Variants in ROBO1 observed in about 807,000 individuals in gnomAD.
ROBO1 encodes the protein roundabout guidance receptor 1.
Under a neutral mutation model 195.9 loss-of-function variants are expected in ROBO1, and 149 were observed. The ratio of observed to expected loss-of-function variants is 0.76; its 90% CI spans 0.67 to 0.87. ROBO1 has a LOEUF of 0.87. Ranked by LOEUF, ROBO1 falls within the 40% of genes least tolerant of loss-of-function variation. The probability of loss-of-function intolerance (pLI) is 0.00; values close to 1 mark genes in which losing one functional copy is unlikely to be tolerated. For synonymous variants in ROBO1, 816 were observed against 733.2 expected, an observed-to-expected ratio of 1.11 and a Z score of -1.82; for missense variants, 1,933 against 2,068.3, an observed-to-expected ratio of 0.93 and a Z score of 1.27.
At position 78,741,148 on chromosome 3, in the gene ROBO1, T is replaced by C. The variant is rs535646518; in HGVS notation, c.657+5595A>G. Among the ~76,000 whole-genome samples, 13 of 152,282 alleles carry C rather than the reference T, an allele frequency of 8.5e-5. No homozygotes were observed. In the South Asian group the frequency reaches 2.7e-3, roughly 32 times the overall value. ...TCATAAGCACATTTGTTTTTATGCT[T>C]GTAATAGTCAATTAAATAAATTTTA... On this transcript the variant is annotated intron_variant, in intron 5 of 30. Coordinates refer to ENST00000464233, the MANE Select transcript of ROBO1 (RefSeq NM_002941.4).
chr3:79,744,531 A>C lies in ROBO1; in HGVS notation c.-51+23221T>G, dbSNP rs1576310549. Among the ~76,000 whole-genome samples, 3 of 152,284 alleles carry C rather than the reference A, an allele frequency of 2.0e-5. No homozygotes were observed. In the East Asian group the frequency reaches 5.8e-4, roughly 29 times the overall value. ...TAGCGACTTCATAAGAACAGGCCAG[A>C]GATCTAGCTCTCTTTCTACATGATG... On this transcript the variant is annotated intron_variant, in intron 1 of 30. Transcript: ENST00000464233.
intron 27 of ROBO1, among the ~76,000 whole-genome samples, chr3:78,616,089 A>C (rs1337917352): frequency 6.6e-6 from 1 of 152,198 alleles, no homozygotes; most frequent in African/African-American, 2.4e-5. Flanking sequence ...CCCATTATTC[A>C]TTCTACTGTG....
At chr3:79,146,594 A>C (rs1435430046) in intron 2 of ROBO1, among the ~76,000 whole-genome samples, 2 of 151,914 alleles carry the variant, frequency 1.3e-5, no homozygotes, top group East Asian at 1.9e-4. Context: ...GACTTATGTG[A>C]AGTATGCAGA....
chr3:78,934,794 G>GACAC (rs200128007), intron 4 of ROBO1, among the ~76,000 whole-genome samples: 5 of 151,198 alleles, frequency 3.3e-5, no homozygotes, highest in Admixed American at 2.6e-4. Flanking sequence ...TACACACATA[G>GACAC]ACACACACAC....
chr3:79,407,770 T>C (rs928636129), intron 2 of ROBO1, among the ~76,000 whole-genome samples: 3 of 152,126 alleles, frequency 2.0e-5, no homozygotes, highest in Non-Finnish European at 4.4e-5. Flanking sequence ...TCTGATTTAT[T>C]GTTAAATTAT....
chr3:79,690,385 A>G (rs898586254), intron 1 of ROBO1, among the ~76,000 whole-genome samples: 5 of 151,948 alleles, frequency 3.3e-5, no homozygotes, highest in African/African-American at 1.2e-4. Flanking sequence ...TGTGAGAAGG[A>G]CTCAGCTTGC....
At chr3:79,274,260 T>G (rs2030827851) in intron 2 of ROBO1, among the ~76,000 whole-genome samples, 1 of 151,794 alleles carries the variant, frequency 6.6e-6, no homozygotes, top group African/African-American at 2.4e-5. Flanking sequence ...GAGCATATGT[T>G]AGGCCACATT....
chr3:79,292,935 A>C (rs533201686), intron 2 of ROBO1, among the ~76,000 whole-genome samples: 5 of 152,290 alleles, frequency 3.3e-5, no homozygotes, highest in African/African-American at 9.6e-5. Flanking sequence ...TATTTGGAAT[A>C]GTTTCAGAAA....
intron 19 of ROBO1, 73 bp from the exon 20 acceptor site, chr3:78,647,728 A>T (rs1387778821): frequency 2.5e-6 from 3 of 1,221,028 alleles, no homozygotes; most frequent in Non-Finnish European, 3.6e-6. Flanking sequence ...CATTAGTATA[A>T]ATCAAGCAGA....
intron 4 of ROBO1, among the ~76,000 whole-genome samples, chr3:78,922,203 A>G (rs1007518571): frequency 6.6e-6 from 1 of 152,162 alleles, no homozygotes; most frequent in Non-Finnish European, 1.5e-5. Flanking sequence ...TGCTCTTCCA[A>G]TTTGAAGACC....
At chr3:78,745,553 T>C (rs1478034654) in intron 5 of ROBO1, among the ~76,000 whole-genome samples, 1 of 152,140 alleles carries the variant, frequency 6.6e-6, no homozygotes, top group African/African-American at 2.4e-5. Flanking sequence ...AAGAAAAGCA[T>C]TTGTTTCTTC....
intron 2 of ROBO1, among the ~76,000 whole-genome samples, chr3:79,500,109 TA>T (rs201908195): frequency 0.014 from 1,942 of 140,764 alleles, 59 homozygotes; most frequent in Admixed American, 0.058. Context: ...CATGCGGCAG[TA>T]AGTTTTCTCT....
chr3:79,449,490 G>A (rs2039375692), intron 2 of ROBO1, among the ~76,000 whole-genome samples: 1 of 149,300 alleles, frequency 6.7e-6, no homozygotes, highest in Non-Finnish European at 1.5e-5. Flanking sequence ...ATGTTCTGAT[G>A]AGAAAATAAA....
intron 2 of ROBO1, among the ~76,000 whole-genome samples, chr3:79,547,916 G>A (rs565086370): frequency 1.3e-5 from 2 of 152,118 alleles, no homozygotes; most frequent in Non-Finnish European, 2.9e-5. Context: ...AATGCCACAT[G>A]ATGTGACTTA....
chr3:79,709,818 A>G (rs931366279), intron 1 of ROBO1, among the ~76,000 whole-genome samples: 3 of 152,156 alleles, frequency 2.0e-5, no homozygotes, highest in Non-Finnish European at 4.4e-5. Flanking sequence ...CACTGTCCTT[A>G]TAAGAGAGGC....
intron 1 of ROBO1, among the ~76,000 whole-genome samples, chr3:79,690,514 C>T (rs1257437429): frequency 3.3e-5 from 5 of 151,990 alleles, no homozygotes; most frequent in Non-Finnish European, 5.9e-5. Flanking sequence ...AGAACACAGA[C>T]TTATGGACAC....
At chr3:79,156,662 G>T (rs185766589) in intron 2 of ROBO1, among the ~76,000 whole-genome samples, 92 of 151,638 alleles carry the variant, frequency 6.1e-4, no homozygotes, top group Admixed American at 1.2e-3. Context: ...CTGGACAAAA[G>T]GTCCAATGAT....
intron 4 of ROBO1, among the ~76,000 whole-genome samples, chr3:78,905,463 C>A (rs1293004161): frequency 2.0e-5 from 3 of 151,880 alleles, no homozygotes; most frequent in Non-Finnish European, 4.4e-5. Context: ...CATAGAGGGA[C>A]CCTAAATTAG....
chr3:79,088,942 G>A (rs1368425235), intron 3 of ROBO1, among the ~76,000 whole-genome samples: 1 of 152,030 alleles, frequency 6.6e-6, no homozygotes, highest in African/African-American at 2.4e-5. Context: ...AAAAACTAGA[G>A]TAAAATAATT....
Sources: gnomAD v4.1 joint callset for allele counts (sites outside exome capture counted in the v4.1 genomes callset) on GRCh38, gnomAD v4.1.1 for gene constraint, MANE v1.5 for transcripts, NCBI Gene and HGNC (gene_info 2026-07-23, HGNC 2026-07-21) for gene names.